Variants in ATE1 observed in about 807,000 individuals in gnomAD.
ATE1 encodes arginyltransferase 1.
Under a neutral mutation model 70.5 loss-of-function variants are expected in ATE1, and 36 were observed. That is an observed-to-expected ratio of 0.51 (90% CI 0.39 to 0.67). The LOEUF (loss-of-function observed/expected upper bound fraction) is 0.67, where lower values mean the gene tolerates loss of function less well. Ranked by LOEUF, ATE1 falls within the 30% of genes least tolerant of loss-of-function variation. The pLI is 0.00. For missense variants in ATE1, 593 were observed against 629.5 expected (o/e 0.94, Z 0.62); for synonymous variants, 232 against 219.3 (o/e 1.06, Z -0.51).
rs1590474929 is a variant in ATE1, at chr10:121,847,420, C to A, written c.976-6157G>T. On this transcript the variant is annotated intron_variant, in intron 8 of 11. Transcript: ENST00000224652. ...CTGAGATCGCGCCACTGCACTCCAG[C>A]CTGGGTAACAGAGCGAGACTCTGTC... Among the ~76,000 whole-genome samples the A allele has an allele frequency of 2.0e-5, 3 of 151,818 alleles. 1 individual carries two copies. The highest frequency in any genetic ancestry group is 7.2e-5 in the African/African-American group (3 of 41,382).
At chr10:121,849,910 T>C (rs1006632066) in intron 8 of ATE1, among the ~76,000 whole-genome samples, 4 of 152,102 alleles carry the variant, frequency 2.6e-5, no homozygotes, top group Non-Finnish European at 1.5e-5. Flanking sequence ...CATAAACTGA[T>C]TTAACAAACA....
intron 10 of ATE1, among the ~76,000 whole-genome samples, chr10:121,798,131 C>G (rs1446728024): frequency 6.6e-6 from 1 of 152,162 alleles, no homozygotes; most frequent in African/African-American, 2.4e-5. Context: ...ATGCATGAAG[C>G]AGTATTTGCT....
intron 7 of ATE1, among the ~76,000 whole-genome samples, chr10:121,879,264 T>C (rs1306802872): frequency 2.0e-5 from 3 of 152,204 alleles, no homozygotes; most frequent in Non-Finnish European, 4.4e-5. Context: ...CCCCCAGCTA[T>C]GCACAAAGTG....
intron 7 of ATE1, among the ~76,000 whole-genome samples, chr10:121,893,721 G>A (rs1452826502): frequency 6.6e-6 from 1 of 151,984 alleles, no homozygotes; most frequent in East Asian, 1.9e-4. Context: ...AAATACTAGA[G>A]CAGCCACTGA....
chr10:121,855,417 T>A (rs1292066987), intron 8 of ATE1, among the ~76,000 whole-genome samples: 2 of 152,242 alleles, frequency 1.3e-5, no homozygotes, highest in African/African-American at 2.4e-5. Context: ...TTAGTCCTTT[T>A]GTTTGTCTAA....
At chr10:121,920,217 A>G (rs1214146845) in intron 3 of ATE1, among the ~76,000 whole-genome samples, 2 of 152,062 alleles carry the variant, frequency 1.3e-5, no homozygotes, top group Non-Finnish European at 1.5e-5. Context: ...GTGCAGTAGT[A>G]GCTCACACCT....
chr10:121,781,054 G>A (rs960440781), intron 11 of ATE1, among the ~76,000 whole-genome samples: 1 of 152,104 alleles, frequency 6.6e-6, no homozygotes, highest in Non-Finnish European at 1.5e-5. Context: ...AATTAAGCTA[G>A]CTTTTTGTTT....
At chr10:121,784,784 G>A (rs1199350557) in intron 11 of ATE1, among the ~76,000 whole-genome samples, 2 of 152,064 alleles carry the variant, frequency 1.3e-5, no homozygotes, top group Non-Finnish European at 2.9e-5. Context: ...GCTGGAATCC[G>A]GGAGGTAGAG....
intron 10 of ATE1, among the ~76,000 whole-genome samples, chr10:121,797,096 C>T (rs10736306): frequency 0.93 from 142,360 of 152,316 alleles, 66,866 homozygotes; most frequent in Non-Finnish European, 0.98. Context: ...GACATATGTA[C>T]GTGGAAAAAT....
At chr10:121,879,412 G>A (rs1275770555) in intron 7 of ATE1, among the ~76,000 whole-genome samples, 1 of 151,988 alleles carries the variant, frequency 6.6e-6, no homozygotes, top group Non-Finnish European at 1.5e-5. Context: ...CATTACTCTG[G>A]CACTATATTG....
chr10:121,821,704 A>C (rs1341045224), intron 10 of ATE1, among the ~76,000 whole-genome samples: 1 of 152,126 alleles, frequency 6.6e-6, no homozygotes, highest in Non-Finnish European at 1.5e-5. Flanking sequence ...AATATGGGGG[A>C]ACCCCATCTC....
intron 7 of ATE1, chr10:121,898,926 G>A (rs776555663): frequency 1.1e-5 from 18 of 1,613,774 alleles, no homozygotes; most frequent in South Asian, 5.5e-5. Flanking sequence ...GCTGAAAGAC[G>A]ACTTGAACTC....
chr10:121,788,955 G>C (rs1946321320), intron 11 of ATE1, among the ~76,000 whole-genome samples: 2 of 152,214 alleles, frequency 1.3e-5, no homozygotes, highest in South Asian at 4.1e-4. Context: ...ACTTTGAACT[G>C]TGAGTGGTAC....
intron 1 of ATE1, among the ~76,000 whole-genome samples, chr10:121,924,990 C>G (rs1187993020): frequency 6.6e-6 from 1 of 152,216 alleles, no homozygotes; most frequent in East Asian, 1.9e-4. Flanking sequence ...ACATGCTGGT[C>G]TCTTCAGAAA....
At chr10:121,921,702 T>C (rs778931351) in intron 3 of ATE1, among the ~76,000 whole-genome samples, 1 of 152,144 alleles carries the variant, frequency 6.6e-6, no homozygotes, top group East Asian at 1.9e-4. Flanking sequence ...GCAACGGTCA[T>C]GTGCAATCCT....
chr10:121,851,951 A>G (rs1448180265), intron 8 of ATE1, among the ~76,000 whole-genome samples: 4 of 152,264 alleles, frequency 2.6e-5, no homozygotes, highest in African/African-American at 9.6e-5. Flanking sequence ...CAATATTAAT[A>G]GGCTAGTTCT....
At chr10:121,927,317 G>A (rs1952133852) in intron 1 of ATE1, 2 of 983,038 alleles carry the variant, frequency 2.0e-6, no homozygotes, top group African/African-American at 1.8e-5. Context: ...GCGGTCACCA[G>A]TTTCTTGTCC....
At chr10:121,748,837 G>A (rs944970527) in intron 11 of ATE1, among the ~76,000 whole-genome samples, 2 of 151,990 alleles carry the variant, frequency 1.3e-5, no homozygotes, top group Non-Finnish European at 2.9e-5. Context: ...CAATGTTAAT[G>A]CATCCAAGTC....
At chr10:121,907,423 C>T (rs1951240174) in intron 5 of ATE1, among the ~76,000 whole-genome samples, 1 of 151,770 alleles carries the variant, frequency 6.6e-6, no homozygotes, top group Non-Finnish European at 1.5e-5. Flanking sequence ...TGAGATAGCG[C>T]CATTGCACTC....
Sources: gnomAD v4.1 joint callset for allele counts (sites outside exome capture counted in the v4.1 genomes callset) on GRCh38, gnomAD v4.1.1 for gene constraint, MANE v1.5 for transcripts, NCBI Gene and HGNC (gene_info 2026-07-23, HGNC 2026-07-21) for gene names.